The following MAST4 variants were observed in gnomAD, a reference collection of about 807,000 sequenced individuals.
MAST4 encodes the protein microtubule-associated serine/threonine-protein kinase 4.
In MAST4, 89 loss-of-function variants were observed where a neutral mutation model predicts 162.7. That is an observed-to-expected ratio of 0.55 (90% CI 0.46 to 0.65). The LOEUF is 0.65. MAST4 is among the 30% of genes least tolerant of loss of function. The pLI, the probability that MAST4 is intolerant of heterozygous loss-of-function variation, is 0.00. For synonymous variants in MAST4, 1,479 were observed against 1,361.1 expected, an observed-to-expected ratio of 1.09 and a Z score of -1.91; for missense variants, 3,153 against 3,374.0, an observed-to-expected ratio of 0.93 and a Z score of 1.62.
chr5:66,847,675 G>C (rs1455135208), intron 3 of MAST4, among the ~76,000 whole-genome samples: 1 of 151,550 alleles, frequency 6.6e-6, no homozygotes, highest in Admixed American at 6.6e-5. Flanking sequence ...ACAAATATTA[G>C]CTGGAGGTGG....
chr5:66,780,426 G>A (rs1163709495), intron 2 of MAST4, among the ~76,000 whole-genome samples: 1 of 152,168 alleles, frequency 6.6e-6, no homozygotes, highest in Non-Finnish European at 1.5e-5. Context: ...TGTGTCCGGA[G>A]TTTATTCCTT....
At chr5:66,827,262 G>A (rs17214868) in intron 3 of MAST4, among the ~76,000 whole-genome samples, 1 of 152,170 alleles carries the variant, frequency 6.6e-6, no homozygotes, top group Non-Finnish European at 1.5e-5. Context: ...TTGCTTTAGA[G>A]ATGATATTAC....
Position 66,955,053 on chromosome 5 carries a change from A to G in MAST4, c.674+55071A>G, listed in dbSNP as rs911998131. ...CATCTCTACAAAAAATACACACACA[A>G]AAATTAGCTGGGCATGGTGGAATGT... On this transcript the variant is annotated intron_variant, in intron 4 of 28. Coordinates refer to ENST00000403625, the MANE Select transcript of MAST4 (RefSeq NM_001164664.2). Among the ~76,000 whole-genome samples, 5 of 151,944 alleles carry G rather than the reference A, an allele frequency of 3.3e-5. No individual in the cohort carries two copies. In the East Asian group the frequency reaches 5.8e-4, roughly 18 times the overall value.
intron 1 of MAST4, among the ~76,000 whole-genome samples, chr5:66,684,419 T>A (rs1214550572): frequency 6.6e-6 from 1 of 152,162 alleles, no homozygotes; most frequent in Non-Finnish European, 1.5e-5. Flanking sequence ...ATAATTCACA[T>A]GCAGTTACCA....
chr5:66,676,860 C>T (rs1157607959), intron 1 of MAST4, among the ~76,000 whole-genome samples: 2 of 152,184 alleles, frequency 1.3e-5, no homozygotes, highest in East Asian at 3.8e-4. Flanking sequence ...CTAGAGAAGT[C>T]TCTTTCATAC....
At chr5:66,711,545 G>A (rs1262339265) in intron 1 of MAST4, among the ~76,000 whole-genome samples, 5 of 152,076 alleles carry the variant, frequency 3.3e-5, no homozygotes, top group Non-Finnish European at 5.9e-5. Context: ...TTAGAAAGAC[G>A]CTTTTGAGGC....
At chr5:66,785,420 A>G (rs58668869) in intron 2 of MAST4, among the ~76,000 whole-genome samples, 3,276 of 152,234 alleles carry the variant, frequency 0.022, 128 homozygotes, top group African/African-American at 0.075. Flanking sequence ...TCTTCACCTA[A>G]ACATATGTGA....
At chr5:66,674,244 G>GT (rs1203484561) in intron 1 of MAST4, among the ~76,000 whole-genome samples, 1 of 152,130 alleles carries the variant, frequency 6.6e-6, no homozygotes, top group African/African-American at 2.4e-5. Flanking sequence ...TGATGACTAA[G>GT]TTTTTTTGGG....
chr5:67,063,450 A>T (rs539081167), intron 5 of MAST4, among the ~76,000 whole-genome samples: 1 of 152,330 alleles, frequency 6.6e-6, no homozygotes, highest in South Asian at 2.1e-4. Flanking sequence ...ATCTATTCCT[A>T]GTAATAATTC....
chr5:66,688,130 A>G (rs924146123), intron 1 of MAST4, among the ~76,000 whole-genome samples: 17 of 152,194 alleles, frequency 1.1e-4, no homozygotes, highest in African/African-American at 4.1e-4. Flanking sequence ...GATAGCTTTT[A>G]GATTTGGCTT....
chr5:66,955,070 G>A (rs1353349733), intron 4 of MAST4, among the ~76,000 whole-genome samples: 1 of 151,926 alleles, frequency 6.6e-6, no homozygotes, highest in Non-Finnish European at 1.5e-5. Context: ...GCTGGGCATG[G>A]TGGAATGTGT....
chr5:66,784,137 C>T (rs1755002429), intron 2 of MAST4, among the ~76,000 whole-genome samples: 1 of 152,070 alleles, frequency 6.6e-6, no homozygotes, highest in Non-Finnish European at 1.5e-5. Flanking sequence ...TGCTTTTCAA[C>T]CTAGGACGTA....
At chr5:66,844,542 G>T (rs545586350) in intron 3 of MAST4, among the ~76,000 whole-genome samples, 2 of 151,984 alleles carry the variant, frequency 1.3e-5, no homozygotes, top group African/African-American at 4.8e-5. Context: ...CTCACCCAAC[G>T]GATATTTGTT....
At chr5:66,873,727 T>C (rs887119133) in intron 3 of MAST4, among the ~76,000 whole-genome samples, 5 of 152,186 alleles carry the variant, frequency 3.3e-5, no homozygotes, top group African/African-American at 4.8e-5. Context: ...AATCAAATTA[T>C]GGAATTGTTG....
intron 15 of MAST4, 148 bp downstream of exon 15, chr5:67,130,566 T>C: frequency 1.4e-6 from 1 of 733,554 alleles, no homozygotes. Context: ...CCAGTCATTA[T>C]CTTCTGATAA....
intron 4 of MAST4, among the ~76,000 whole-genome samples, chr5:66,907,860 A>C (rs1336436559): frequency 6.6e-6 from 1 of 152,034 alleles, no homozygotes; most frequent in Non-Finnish European, 1.5e-5. Flanking sequence ...ATTCAAACAA[A>C]ATAAAGGATG....
At chr5:67,029,120 C>T (rs1019073250) in intron 4 of MAST4, among the ~76,000 whole-genome samples, 5 of 149,002 alleles carry the variant, frequency 3.4e-5, no homozygotes, top group South Asian at 2.1e-4. Flanking sequence ...GGCGACAGCA[C>T]GAGACACTCT....
At chr5:66,863,589 C>T (rs1359912192) in intron 3 of MAST4, among the ~76,000 whole-genome samples, 1 of 152,094 alleles carries the variant, frequency 6.6e-6, no homozygotes, top group Non-Finnish European at 1.5e-5. Flanking sequence ...TCTTTTCTTC[C>T]CTCTGCACCC....
chr5:66,726,884 CT>C lies in MAST4; in HGVS notation c.364-32824del, dbSNP rs1384743568. ...CGTGGAAAAATTGTCTTCCATGAAA[CT>C]GGTCCCTGGTGCCAAAAAGGTTGGG... On this transcript the variant is annotated intron_variant, in intron 1 of 28. Transcript: ENST00000403625. 2.8e-3 allele frequency among the ~76,000 whole-genome samples: 431 copies of C among 152,230 alleles called. 2 individuals carry two copies. Among genetic ancestry groups the C allele is most frequent in the African/African-American group, 9.9e-3 (412 of 41,528 alleles).
Sources: gnomAD v4.1 joint callset for allele counts (sites outside exome capture counted in the v4.1 genomes callset) on GRCh38, gnomAD v4.1.1 for gene constraint, MANE v1.5 for transcripts, NCBI Gene and HGNC (gene_info 2026-07-23, HGNC 2026-07-21) for gene names.